The following ANAPC4 variants were observed in gnomAD, a reference collection of about 807,000 sequenced individuals.
ANAPC4 encodes anaphase-promoting complex subunit 4.
A neutral mutation model predicts 119.8 loss-of-function variants in ANAPC4; 63 were observed. The ratio of observed to expected loss-of-function variants is 0.53; its 90% CI spans 0.43 to 0.65. ANAPC4 has a LOEUF of 0.65. ANAPC4 is among the 30% of genes least tolerant of loss of function. The probability of loss-of-function intolerance (pLI) is 0.00; values close to 1 mark genes in which losing one functional copy is unlikely to be tolerated. For synonymous variants in ANAPC4, 283 were observed against 318.6 expected, an observed-to-expected ratio of 0.89 and a Z score of 1.19; for missense variants, 716 against 945.1, an observed-to-expected ratio of 0.76 and a Z score of 3.18.
rs1383982146 is a variant in ANAPC4 at position 25,403,045 on chromosome 4, G to A, written c.1270+19G>A. On this transcript the variant is annotated intron_variant, in intron 17 of 28. Transcript: ENST00000315368. ...TATGTGGGTAAGTTAATTGAGTGAA[G>A]CATTTTTATTTTAACACTTTAAAAA... 1.9e-6 allele frequency: 3 copies of A among 1,579,166 alleles called. No individual in the cohort carries two copies. The highest frequency in any genetic ancestry group is 1.8e-4 in the Middle Eastern group (1 of 5,684).
chr4:25,405,477 A>C lies in ANAPC4; in HGVS notation c.1271-96A>C, dbSNP rs1363569131. Reference sequence around the variant, plus strand: ...AAAAGCTGTGTAAAATTGAAGATTTAGTTCAGTCAAACACCTTGTCTTTGA... The same window carrying C: ...AAAAGCTGTGTAAAATTGAAGATTTCGTTCAGTCAAACACCTTGTCTTTGA... On this transcript the variant is annotated intron_variant, in intron 17 of 28. Coordinates refer to ENST00000315368, the MANE Select transcript of ANAPC4 (RefSeq NM_013367.3). This position sits in a 1 kb window ranked among gnomAD's most constrained non-coding sequence, Gnocchi z 4.6. 18 of 1,094,398 alleles carry C rather than the reference A, an allele frequency of 1.6e-5. No homozygotes were observed. The highest frequency in any genetic ancestry group is 2.3e-5 in the Non-Finnish European group (17 of 738,062). 67.8% of individuals were successfully genotyped at this position (1,094,398 alleles called of 1,614,324 possible). A position where few individuals can be genotyped will look rare whatever the true frequency, so the allele number is the denominator to read the frequency against.
rs1283041919 is a variant in ANAPC4, at chr4:25,391,069, T to C, written c.705+54T>C. ...GAGTAAATATGTATTTAACAGGTTT[T>C]ATATAGGTTTTTATCCACATCTCAC... On this transcript the variant is annotated intron_variant, in intron 9 of 28. Transcript: ENST00000315368. 3.0e-6 allele frequency: 4 copies of C among 1,334,910 alleles called. No individual in the cohort carries two copies. The African/African-American group carries it at 5.8e-5, about 19-fold the overall frequency. 82.7% of individuals were successfully genotyped at this position (1,334,910 alleles called of 1,614,324 possible).
intron 16 of ANAPC4, among the ~76,000 whole-genome samples, chr4:25,397,924 T>G (rs1722747988): frequency 6.6e-6 from 1 of 152,022 alleles, no homozygotes; most frequent in African/African-American, 2.4e-5. Context: ...CTCTTTTATT[T>G]ACTTTATTAT....
At chr4:25,379,653 G>A (rs1721607217) in intron 2 of ANAPC4, among the ~76,000 whole-genome samples, 1 of 152,170 alleles carries the variant, frequency 6.6e-6, no homozygotes. Flanking sequence ...AAAGCACAGA[G>A]GAAGGGTTTC....
intron 13 of ANAPC4, 53 bp from the exon 14 acceptor site, chr4:25,394,776 G>A: frequency 6.3e-7 from 1 of 1,585,022 alleles, no homozygotes; most frequent in Admixed American, 1.9e-5. Context: ...TTTTTTTCGA[G>A]TGGCATATAA....
intron 3 of ANAPC4, among the ~76,000 whole-genome samples, chr4:25,381,576 T>C (rs1428740049): frequency 6.6e-6 from 1 of 152,134 alleles, no homozygotes; most frequent in Non-Finnish European, 1.5e-5. Context: ...CCTACTACAG[T>C]GTGGGGATTA....
In ANAPC4 at chr4:25,409,694, C is replaced by A. The variant is rs764728119; in HGVS notation, c.1432-4C>A. ...AACTTAAATTTCTAATTCTGTATTT[C>A]TAGTACTTGAAAGATGAAGATGATG... On this transcript the variant is annotated splice_polypyrimidine_tract_variant and splice_region_variant and intron_variant, in intron 20 of 28. Transcript: ENST00000315368. The A allele has an allele frequency of 1.2e-5, 19 of 1,594,960 alleles. No individual in the cohort carries two copies. Among genetic ancestry groups the A allele is most frequent in the Non-Finnish European group, 1.5e-5 (17 of 1,165,000 alleles).
In ANAPC4 at chr4:25,394,841, C is replaced by T; in HGVS notation, c.997C>T (p.Leu333Phe). ...CTTTTTTAATTAGGGCTTGAAAAAG[C>T]TTGGCCAGTCTATAGAGTCATCATA... ...NQLTVKGLKK[L>F]GQSIESSYSS... The change falls in exon 14 of 29, where the codon CTT becomes TTT. Residue 333 changes from leucine to phenylalanine, a missense_variant. Transcript: ENST00000315368. The T allele has an allele frequency of 6.2e-7, 1 of 1,612,458 alleles. No homozygotes were observed. Among genetic ancestry groups the T allele is most frequent in the Non-Finnish European group, 8.5e-7 (1 of 1,179,474 alleles).
chr4:25,388,892 A>G lies in ANAPC4; in HGVS notation c.515+10A>G, dbSNP rs1186541737. ...TCTTGGGAGACGTCAGGTAAATCTT[A>G]CAGATAAATAAGTCTAATTTCTTAA... On this transcript the variant is annotated intron_variant, in intron 7 of 28. Transcript: ENST00000315368. 2 of 1,576,510 alleles carry G rather than the reference A, an allele frequency of 1.3e-6. No individual in the cohort carries two copies. Among genetic ancestry groups the G allele is most frequent in the African/African-American group, 1.4e-5 (1 of 73,552 alleles).
In ANAPC4 at chr4:25,383,155, T is replaced by C. The variant is rs377168380; in HGVS notation, c.236-106T>C. 36 of 1,075,260 alleles carry C rather than the reference T, an allele frequency of 3.3e-5. No individual in the cohort carries two copies. In the African/African-American group the frequency reaches 5.0e-4, roughly 15 times the overall value. The allele number at this position is 1,075,260 out of a possible 1,614,324, so 66.6% of individuals were successfully genotyped here. A position where few individuals can be genotyped will look rare whatever the true frequency, so the allele number is the denominator to read the frequency against. On this transcript the variant is annotated intron_variant, in intron 3 of 28. Coordinates refer to ENST00000315368, the MANE Select transcript of ANAPC4 (RefSeq NM_013367.3). ...AGGATGTTTAGGTCAAAAATTGCCATGATGAAGATGCACTTAAAAGAGTAA... is the reference window on the plus strand; with the variant it reads ...AGGATGTTTAGGTCAAAAATTGCCACGATGAAGATGCACTTAAAAGAGTAA...
Position 25,405,508 on chromosome 4 carries a change from A to T in ANAPC4, c.1271-65A>T. On this transcript the variant is annotated intron_variant, in intron 17 of 28. Coordinates refer to ENST00000315368, the MANE Select transcript of ANAPC4 (RefSeq NM_013367.3). This position sits in a 1 kb window ranked among gnomAD's most constrained non-coding sequence, Gnocchi z 4.6. ...GTCAAACACCTTGTCTTTGAAATGT[A>T]TTTATAATTAAAATTATGTTTGTAG... The T allele has an allele frequency of 7.1e-7, 1 of 1,411,180 alleles. No individual in the cohort carries two copies. Among genetic ancestry groups the T allele is most frequent in the African/African-American group, 1.4e-5 (1 of 70,468 alleles). The allele number at this position is 1,411,180 out of a possible 1,614,324, so 87.4% of individuals were successfully genotyped here.
At chr4:25,386,063 G>A (rs1722016755) in intron 4 of ANAPC4, among the ~76,000 whole-genome samples, 2 of 151,944 alleles carry the variant, frequency 1.3e-5, no homozygotes, top group African/African-American at 2.4e-5. Context: ...ACAGACATGC[G>A]CCACCACGCC....
chr4:25,393,395 C>A (rs572823372), intron 10 of ANAPC4, among the ~76,000 whole-genome samples: 2 of 152,164 alleles, frequency 1.3e-5, no homozygotes, highest in Non-Finnish European at 2.9e-5. Flanking sequence ...GGCACAGTGG[C>A]GCACACCTAT....
Position 25,417,632 on chromosome 4 carries a change from A to G in ANAPC4, c.2092A>G (p.Ser698Gly). The G allele has an allele frequency of 6.2e-7, 1 of 1,611,016 alleles. No homozygotes were observed. Among genetic ancestry groups the G allele is most frequent in the Non-Finnish European group, 8.5e-7 (1 of 1,179,036 alleles). The change falls in exon 28 of 29, where the codon AGT becomes GGT. Residue 698 changes from serine (S) to glycine (G), a missense_variant. Transcript: ENST00000315368. ...CCTCTTTAGGCTAGATGAACAGTGT[A>G]GTGCTATTCCCACCCGTACCATGCA... ...TYSTRLDEQC[S>G]AIPTRTMHFE... is the part of the protein sequence containing the mutation.
intron 3 of ANAPC4, among the ~76,000 whole-genome samples, chr4:25,381,295 CT>C (rs1395772242): frequency 6.6e-6 from 1 of 151,954 alleles, no homozygotes; most frequent in Non-Finnish European, 1.5e-5. Flanking sequence ...ATTGCTTTTT[CT>C]TTTCCCCCCC....
chr4:25,418,419 A>G lies in ANAPC4; in HGVS notation c.*37A>G, dbSNP rs749927743. ...ATTATTGTGTGTGTAATTATGGCCA[A>G]AAGGACATAGGAGATGGACTAAGAT... On this transcript the variant is annotated 3_prime_UTR_variant, in exon 29 of 29. Transcript: ENST00000315368. 1 of 1,571,622 alleles carries G rather than the reference A, an allele frequency of 6.4e-7. No homozygotes were observed. Among genetic ancestry groups the G allele is most frequent in the Non-Finnish European group, 8.7e-7 (1 of 1,143,312 alleles).
chr4:25,394,035 TGC>T (rs1349562347), intron 11 of ANAPC4, 144 bp downstream of exon 11: 23 of 751,494 alleles, frequency 3.1e-5, no homozygotes, highest in Non-Finnish European at 4.2e-5. Flanking sequence ...GACTTCAAAC[TGC>T]TTCCTCAGAT....
At chr4:25,408,299 A>G (rs1363636768) in intron 20 of ANAPC4, among the ~76,000 whole-genome samples, 1 of 152,196 alleles carries the variant, frequency 6.6e-6, no homozygotes, top group Non-Finnish European at 1.5e-5. Context: ...TTTTACATTA[A>G]AATTCATTCA....
At chr4:25,377,369 G>C (rs1374638652) in intron 1 of ANAPC4, 25 bp downstream of exon 1, 3 of 1,600,420 alleles carry the variant, frequency 1.9e-6, no homozygotes, top group South Asian at 2.2e-5. Flanking sequence ...GGGGCTCCTC[G>C]TGGAGAGCCG....
Sources: allele counts gnomAD v4.1 joint callset (sites outside exome capture counted in the v4.1 genomes callset), GRCh38; gene constraint gnomAD v4.1.1; non-coding constraint Gnocchi (gnomAD v3.1); transcripts MANE v1.5; gene names NCBI Gene and HGNC (gene_info 2026-07-23, HGNC 2026-07-21).